Variants in CNTNAP2 observed in about 807,000 individuals in gnomAD.
The protein encoded by CNTNAP2 is contactin-associated protein-like 2.
A neutral mutation model predicts 155.2 loss-of-function variants in CNTNAP2; 98 were observed. The observed-to-expected ratio is 0.63, with a 90% CI of 0.54 to 0.75. The LOEUF is 0.75. Among genes scored for constraint, CNTNAP2 ranks in the 30% least tolerant of loss-of-function variants. The pLI, the probability that CNTNAP2 is intolerant of heterozygous loss-of-function variation, is 0.00. For missense variants in CNTNAP2, 1,727 were observed against 1,688.1 expected, an observed-to-expected ratio of 1.02 and a Z score of -0.40; for synonymous variants, 651 against 631.2, an observed-to-expected ratio of 1.03 and a Z score of -0.47.
In CNTNAP2 at chr7:147,839,962, A is replaced by C. The variant is rs116853134; in HGVS notation, c.2099-63603A>C. On this transcript the variant is annotated intron_variant, in intron 13 of 23. Coordinates refer to ENST00000361727, the MANE Select transcript of CNTNAP2 (RefSeq NM_014141.6). ...TATACACACACACACACACATATATATACCATGGAATACTACTCAGCCATA... is the reference window on the plus strand; with the variant it reads ...TATACACACACACACACACATATATCTACCATGGAATACTACTCAGCCATA... Among the ~76,000 whole-genome samples, 770 of 152,202 alleles carry C rather than the reference A, an allele frequency of 5.1e-3. 5 individuals are homozygous for C. The highest frequency in any genetic ancestry group is 0.021 in the South Asian group (102 of 4,822).
At chr7:147,306,475 A>G (rs568126624) in intron 9 of CNTNAP2, among the ~76,000 whole-genome samples, 2 of 152,310 alleles carry the variant, frequency 1.3e-5, no homozygotes, top group Admixed American at 6.5e-5. Flanking sequence ...AAGGAAACCA[A>G]TTTTAAAATT....
intron 3 of CNTNAP2, among the ~76,000 whole-genome samples, chr7:146,928,896 C>A (rs1302154531): frequency 6.6e-6 from 1 of 152,206 alleles, no homozygotes; most frequent in African/African-American, 2.4e-5. Flanking sequence ...GGGCGCCTGC[C>A]ATTGCCCAGG....
At chr7:147,635,279 T>C (rs1795159247) in intron 12 of CNTNAP2, among the ~76,000 whole-genome samples, 1 of 151,742 alleles carries the variant, frequency 6.6e-6, no homozygotes, top group Non-Finnish European at 1.5e-5. Context: ...AAACTTTTTT[T>C]TTTTAATCGA....
At chr7:146,701,549 G>A (rs1309496429) in intron 1 of CNTNAP2, among the ~76,000 whole-genome samples, 20 of 152,080 alleles carry the variant, frequency 1.3e-4, no homozygotes, top group Admixed American at 1.3e-3. Context: ...CTTATAGACA[G>A]GGGTATTATT....
intron 1 of CNTNAP2, among the ~76,000 whole-genome samples, chr7:146,715,785 T>C (rs1164988495): frequency 6.6e-6 from 1 of 152,226 alleles, no homozygotes; most frequent in Admixed American, 6.5e-5. Flanking sequence ...CTTAATTGCC[T>C]GTTTAAAGGA....
At chr7:147,899,477 A>G (rs1799827926) in intron 13 of CNTNAP2, among the ~76,000 whole-genome samples, 1 of 152,232 alleles carries the variant, frequency 6.6e-6, no homozygotes, top group Admixed American at 6.5e-5. Flanking sequence ...AGTTCTAGAA[A>G]TCAGCCATAC....
chr7:147,982,597 T>C (rs564613289), intron 15 of CNTNAP2, among the ~76,000 whole-genome samples: 2 of 152,210 alleles, frequency 1.3e-5, no homozygotes, highest in African/African-American at 2.4e-5. Flanking sequence ...TGGAGATTCA[T>C]CAAGATGATG....
At chr7:146,808,340 A>G (rs556742322) in intron 2 of CNTNAP2, among the ~76,000 whole-genome samples, 6 of 152,348 alleles carry the variant, frequency 3.9e-5, no homozygotes, top group African/African-American at 1.4e-4. Context: ...AGAGCACTGT[A>G]GAGAATGTAA....
chr7:147,621,113 C>G (rs900209580), intron 12 of CNTNAP2, among the ~76,000 whole-genome samples: 1 of 152,024 alleles, frequency 6.6e-6, no homozygotes, highest in African/African-American at 2.4e-5. Flanking sequence ...AACTTTTACC[C>G]TAAAATAGTA....
intron 21 of CNTNAP2, among the ~76,000 whole-genome samples, chr7:148,316,732 A>G (rs1797695562): frequency 6.6e-6 from 1 of 152,226 alleles, no homozygotes; most frequent in Admixed American, 6.5e-5. Flanking sequence ...GGGCAGATAA[A>G]TAGAAAGATG....
chr7:147,987,081 A>G (rs1801631751), intron 15 of CNTNAP2, among the ~76,000 whole-genome samples: 1 of 152,172 alleles, frequency 6.6e-6, no homozygotes, highest in Non-Finnish European at 1.5e-5. Flanking sequence ...GTCTAAGAAC[A>G]AGCAGAAATA....
intron 1 of CNTNAP2, among the ~76,000 whole-genome samples, chr7:146,232,501 T>G (rs933458731): frequency 6.6e-6 from 1 of 152,122 alleles, no homozygotes; most frequent in African/African-American, 2.4e-5. Context: ...AAAAAATCTT[T>G]GAGCCAGAGA....
chr7:146,509,661 A>C (rs1797437999), intron 1 of CNTNAP2, among the ~76,000 whole-genome samples: 1 of 152,034 alleles, frequency 6.6e-6, no homozygotes, highest in African/African-American at 2.4e-5. Context: ...TGGCAGGCCC[A>C]AGCCTACACT....
rs1012380895 is a variant in CNTNAP2 at position 146,731,390 on chromosome 7, T to G, written c.98-42881T>G. Among the ~76,000 whole-genome samples, 4 of 151,610 alleles carry G rather than the reference T, an allele frequency of 2.6e-5. No individual in the cohort carries two copies. In the East Asian group the frequency reaches 5.8e-4, roughly 22 times the overall value. On this transcript the variant is annotated intron_variant, in intron 1 of 23. Transcript: ENST00000361727. The stretch of plus-strand genomic sequence containing the variant: ...TATTATTTATTATTTTATTTTTATT[T>G]TAATATTTGCTTAATATTTTTATAT...
chr7:146,174,532 A>G (rs1401363357), intron 1 of CNTNAP2, among the ~76,000 whole-genome samples: 1 of 152,114 alleles, frequency 6.6e-6, no homozygotes, highest in African/African-American at 2.4e-5. Flanking sequence ...ATAGTTTTAA[A>G]TGAATTTTGC....
intron 13 of CNTNAP2, among the ~76,000 whole-genome samples, chr7:147,798,919 CCTT>C (rs1192138048): frequency 2.0e-5 from 3 of 152,144 alleles, no homozygotes; most frequent in Admixed American, 6.5e-5. Context: ...GTGTTTTCCT[CCTT>C]GTTTCCCTCC....
At chr7:146,995,972 C>T (rs1306894081) in intron 3 of CNTNAP2, among the ~76,000 whole-genome samples, 1 of 151,978 alleles carries the variant, frequency 6.6e-6, no homozygotes, top group African/African-American at 2.4e-5. Context: ...CTTGCCCAGA[C>T]CAATGTCATG....
At chr7:147,626,484 A>G (rs1220482970) in intron 12 of CNTNAP2, among the ~76,000 whole-genome samples, 1 of 152,158 alleles carries the variant, frequency 6.6e-6, no homozygotes. Flanking sequence ...CCAGCCAAGG[A>G]GAGGCTGAGC....
chr7:146,173,974 A>G (rs1418394513), intron 1 of CNTNAP2, among the ~76,000 whole-genome samples: 2 of 152,128 alleles, frequency 1.3e-5, no homozygotes, highest in Admixed American at 1.3e-4. Context: ...AGGGAAGCTG[A>G]GGTGGGAGGA....
Sources: gnomAD v4.1 joint callset for allele counts (sites outside exome capture counted in the v4.1 genomes callset) on GRCh38, gnomAD v4.1.1 for gene constraint, MANE v1.5 for transcripts, NCBI Gene and HGNC (gene_info 2026-07-23, HGNC 2026-07-21) for gene names.